The following FBXL2 variants were observed in gnomAD, a reference collection of about 807,000 sequenced individuals.
FBXL2 encodes F-box and leucine rich repeat protein 2, also known as F-box/LRR-repeat protein 2.
FBXL2 carries 38 observed loss-of-function variants against 69.2 expected under a neutral mutation model. That is an observed-to-expected ratio of 0.55 (90% CI 0.42 to 0.72). The LOEUF (loss-of-function observed/expected upper bound fraction) is 0.72. Ranked by LOEUF, FBXL2 falls within the 30% of genes least tolerant of loss-of-function variation. The pLI is 0.00. For missense variants in FBXL2, 354 were observed against 520.3 expected, an observed-to-expected ratio of 0.68 and a Z score of 3.11; for synonymous variants, 192 against 201.3, an observed-to-expected ratio of 0.95 and a Z score of 0.39.
chr3:33,393,307 T>C, intron 12 of FBXL2: 1 of 1,600,474 alleles, frequency 6.2e-7, no homozygotes, highest in Non-Finnish European at 8.5e-7. Flanking sequence ...AATGATTTGA[T>C]TTACCTGATC....
chr3:33,346,964 T>A (rs941381049), intron 2 of FBXL2, among the ~76,000 whole-genome samples: 3 of 152,230 alleles, frequency 2.0e-5, no homozygotes, highest in Non-Finnish European at 2.9e-5. Context: ...TTATCCTTTG[T>A]GTTACAAACC....
chr3:33,363,249 C>T (rs1019606904), intron 4 of FBXL2, among the ~76,000 whole-genome samples: 3 of 152,154 alleles, frequency 2.0e-5, no homozygotes, highest in Admixed American at 6.6e-5. Context: ...CCATGTTGGC[C>T]AGGCTGGTCT....
At chr3:33,399,362 C>T (rs771872941) in intron 12 of FBXL2, among the ~76,000 whole-genome samples, 53 of 152,126 alleles carry the variant, frequency 3.5e-4, no homozygotes, top group Non-Finnish European at 7.2e-4. Flanking sequence ...GTGCTTGATA[C>T]CTTTTAAAAT....
At chr3:33,312,694 A>G (rs1046109264) in intron 2 of FBXL2, among the ~76,000 whole-genome samples, 1 of 152,074 alleles carries the variant, frequency 6.6e-6, no homozygotes, top group Non-Finnish European at 1.5e-5. Context: ...TATTTAACTT[A>G]TTATTTATTT....
downstream of FBXL2, among the ~76,000 whole-genome samples, chr3:33,404,696 G>GTC (rs879775562): frequency 3.9e-5 from 6 of 152,036 alleles, no homozygotes; most frequent in Non-Finnish European, 8.8e-5. Flanking sequence ...AAGTTTTTCT[G>GTC]TAAGTCAGGT....
At chr3:33,381,266 T>C (rs1160773104) in intron 13 of FBXL2, among the ~76,000 whole-genome samples, 5 of 152,238 alleles carry the variant, frequency 3.3e-5, no homozygotes, top group Admixed American at 6.5e-5. Context: ...AATGGAGAAA[T>C]TGACATTCAT....
chr3:33,365,747 AAACAAACCAAC>A (rs1559612177), intron 5 of FBXL2, among the ~76,000 whole-genome samples: 1 of 145,346 alleles, frequency 6.9e-6, no homozygotes, highest in East Asian at 2.2e-4. Flanking sequence ...ACAAACAAAC[AAACAAACCAAC>A]AACAATTTGT....
chr3:33,285,053 AT>A (rs1162829529), intron 1 of FBXL2, among the ~76,000 whole-genome samples: 11 of 152,226 alleles, frequency 7.2e-5, no homozygotes, highest in African/African-American at 2.6e-4. Flanking sequence ...TAAGGTTAAT[AT>A]TGTTATGTGT....
intron 1 of FBXL2, among the ~76,000 whole-genome samples, chr3:33,288,696 A>T (rs905262640): frequency 3.3e-5 from 5 of 152,116 alleles, no homozygotes; most frequent in Admixed American, 6.6e-5. Flanking sequence ...GTAGTAAGAG[A>T]GGGTAGTGTG....
intron 2 of FBXL2, chr3:33,317,682 C>G (rs1276182450): frequency 1.8e-5 from 6 of 341,864 alleles, no homozygotes; most frequent in Non-Finnish European, 3.5e-5. Context: ...TACCATTGGT[C>G]TTGGTGACTT....
At chr3:33,282,340 A>G (rs1177735636) in intron 1 of FBXL2, among the ~76,000 whole-genome samples, 2 of 152,156 alleles carry the variant, frequency 1.3e-5, no homozygotes, top group Non-Finnish European at 2.9e-5. Flanking sequence ...CAGGTTTGTC[A>G]AAGATCAGAT....
chr3:33,362,117 C>G (rs994246435), intron 4 of FBXL2, among the ~76,000 whole-genome samples: 2 of 152,196 alleles, frequency 1.3e-5, no homozygotes, highest in Non-Finnish European at 2.9e-5. Context: ...GGTTGCATGA[C>G]TGGCACATGA....
rs115532734 is a variant in FBXL2 at position 33,384,768 on chromosome 3, C to T, written c.1164+567C>T. 7.0e-3 allele frequency among the ~76,000 whole-genome samples: 1,068 copies of T among 152,168 alleles called. 14 individuals are homozygous for T. Among genetic ancestry groups the T allele is most frequent in the African/African-American group, 0.023 (975 of 41,530 alleles). ...AAGAAAGCCTATGTTGGGATGGGCG[C>T]GGTGGCTCACGACTCTAATCCCAGC... On this transcript the variant is annotated intron_variant, in intron 14 of 14. Coordinates refer to ENST00000484457, the MANE Select transcript of FBXL2 (RefSeq NM_012157.5).
At chr3:33,353,389 C>T (rs986324580) in intron 2 of FBXL2, among the ~76,000 whole-genome samples, 1 of 152,128 alleles carries the variant, frequency 6.6e-6, no homozygotes, top group Non-Finnish European at 1.5e-5. Flanking sequence ...AGATGTCCTG[C>T]AATAGGCGAA....
At chr3:33,417,970 C>T in the FBXL2 span, among the ~76,000 whole-genome samples, 2 of 152,100 alleles carry the variant, frequency 1.3e-5, no homozygotes, top group Non-Finnish European at 2.9e-5. Context: ...AGAAAAGTTG[C>T]TTACATTCAT....
At chr3:33,335,858 C>T (rs1043695001) in intron 2 of FBXL2, among the ~76,000 whole-genome samples, 5 of 151,980 alleles carry the variant, frequency 3.3e-5, no homozygotes, top group African/African-American at 1.2e-4. Context: ...TCAGAAGAAG[C>T]GGGCAGGGGA....
At chr3:33,359,380 A>G in intron 4 of FBXL2, 23 bp downstream of exon 4, 1 of 1,583,992 alleles carries the variant, frequency 6.3e-7, no homozygotes, top group Non-Finnish European at 8.6e-7. Context: ...TGGTTTAGAC[A>G]AAAAACTTTT....
At chr3:33,333,720 C>T (rs962634394) in intron 2 of FBXL2, among the ~76,000 whole-genome samples, 8 of 152,152 alleles carry the variant, frequency 5.3e-5, no homozygotes, top group African/African-American at 1.7e-4. Flanking sequence ...CCTAGAGGCC[C>T]AAATGCAAAG....
chr3:33,282,735 T>G (rs1178019895), intron 1 of FBXL2, among the ~76,000 whole-genome samples: 1 of 152,228 alleles, frequency 6.6e-6, no homozygotes, highest in Non-Finnish European at 1.5e-5. Context: ...AGCAGTGGTT[T>G]ATAGTTCTCC....
Sources: allele counts gnomAD v4.1 joint callset (sites outside exome capture counted in the v4.1 genomes callset), GRCh38; gene constraint gnomAD v4.1.1; transcripts MANE v1.5; gene names NCBI Gene and HGNC (gene_info 2026-07-23, HGNC 2026-07-21).